Variants in USP1 observed in about 807,000 individuals in gnomAD.
USP1 encodes ubiquitin carboxyl-terminal hydrolase 1.
Under a neutral mutation model 72.2 loss-of-function variants are expected in USP1, and 18 were observed. The ratio of observed to expected loss-of-function variants is 0.25; its 90% confidence interval spans 0.17 to 0.37. USP1 has a LOEUF of 0.37. USP1 is among the 10% of genes least tolerant of loss of function. USP1 has a pLI of 1.00. For synonymous variants in USP1, 354 were observed against 303.7 expected (o/e 1.17, Z -1.72); for missense variants, 759 against 884.9 (o/e 0.86, Z 1.81).
At chr1:62,449,991 T>C (rs1314247354) in intron 8 of USP1, among the ~76,000 whole-genome samples, 1 of 152,046 alleles carries the variant, frequency 6.6e-6, no homozygotes, top group East Asian at 1.9e-4. Context: ...TGCACAAAAT[T>C]AGGAAAATAA....
chr1:62,445,188 A>G lies in USP1; in HGVS notation c.1008A>G (p.Arg336=). 1.9e-6 allele frequency: 3 copies of G among 1,611,860 alleles called. No homozygotes were observed. Among genetic ancestry groups the G allele is most frequent in the Admixed American group, 3.4e-5 (2 of 59,522 alleles). The change falls in exon 6 of 9, where the codon AGA becomes AGG. Residue 336 remains arginine (R), a synonymous_variant. Transcript: ENST00000339950. ...ESPRPSQKKS[R]VKINWLKSAT... is the part of the protein sequence containing the mutation. The stretch of plus-strand genomic sequence containing the variant: ...CAAGACCCTCACAAAAGAAATCAAG[A>G]GTTAAAATAAATTGGTTAAAGTCTG...
chr1:62,445,174 C>A lies in USP1; in HGVS notation c.994C>A (p.Gln332Lys), dbSNP rs374728774. Residue 332 changes from glutamine to lysine, a missense_variant, in exon 6 of 9, where the codon CAA (glutamine) becomes AAA (lysine). By Grantham distance (53) the Gln-to-Lys change is moderately conservative. Coordinates refer to ENST00000339950, the MANE Select transcript of USP1 (RefSeq NM_003368.5). ...ISENESPRPS[Q>K]KKSRVKINWL... Reference sequence around the variant, plus strand: ...TGAAAATGAGAGTCCAAGACCCTCACAAAAGAAATCAAGAGTTAAAATAAA... The same window carrying A: ...TGAAAATGAGAGTCCAAGACCCTCAAAAAAGAAATCAAGAGTTAAAATAAA... 9.6e-5 allele frequency: 154 copies of A among 1,612,382 alleles called. 3 individuals are homozygous for A. The highest frequency in any genetic ancestry group is 6.2e-4 in the East Asian group (28 of 44,814).
At chr1:62,446,839 A>C (rs1460662782) in intron 6 of USP1, among the ~76,000 whole-genome samples, 1 of 151,816 alleles carries the variant, frequency 6.6e-6, no homozygotes, top group East Asian at 1.9e-4. Context: ...TTGGAGACAG[A>C]GTTTTGCTCT....
rs759275150 is a variant in USP1 at position 62,445,403 on chromosome 1, T to A, written c.1223T>A (p.Val408Asp). Reference sequence around the variant, plus strand: ...GGAAATACTGTTACACCTGTAAATGTTAATGAAGTTAAACCCATAAACAAA... The same window carrying A: ...GGAAATACTGTTACACCTGTAAATGATAATGAAGTTAAACCCATAAACAAA... ...SPGNTVTPVNVNEVKPINKGE... is the reference protein window; with the variant it reads ...SPGNTVTPVNDNEVKPINKGE... Residue 408 changes from valine (V) to aspartate (D), a missense_variant, in exon 6 of 9, where the codon GTT becomes GAT. By Grantham distance (152) the Val-to-Asp change is radical. Around this residue, in one of 9 missense-constraint regions of USP1, gnomAD observed 245 missense variants for 240.7 expected, o/e 1.02. Transcript: ENST00000339950. The A allele has an allele frequency of 2.0e-5, 31 of 1,578,092 alleles. No individual in the cohort carries two copies. In the East Asian group the frequency reaches 6.7e-4, roughly 34 times the overall value.
Position 62,437,286 on chromosome 1 carries a change from C to G in USP1, c.-184C>G, listed in dbSNP as rs1018999497. ...GGGGAGGGCGAGCCGACCAGATTTT[C>G]CTGGGGCCGGGGACCCGGCGGGCTC... On this transcript the variant is annotated 5_prime_UTR_variant, in exon 1 of 9. Transcript: ENST00000339950. 2.5e-6 allele frequency: 1 copy of G among 397,368 alleles called. No homozygotes were observed. The highest frequency in any genetic ancestry group is 4.4e-6 in the Non-Finnish European group (1 of 225,786). The allele number at this position is 397,368 out of a possible 1,614,324, so 24.6% of individuals were successfully genotyped here.
intron 1 of USP1, among the ~76,000 whole-genome samples, chr1:62,437,974 G>A (rs1557552059): frequency 6.6e-6 from 1 of 152,148 alleles, no homozygotes; most frequent in Admixed American, 6.5e-5. Flanking sequence ...ACAGATAATG[G>A]TCGATTCGTC....
chr1:62,443,164 T>C lies in USP1; in HGVS notation c.402T>C (p.Asn134=), dbSNP rs1645145089. ...GTGTGTTTCTTTCTTGACAGGGAAATTGCAAAGAAGATTCTTTGGCAAGTT... is the reference window on the plus strand; with the variant it reads ...GTGTGTTTCTTTCTTGACAGGGAAACTGCAAAGAAGATTCTTTGGCAAGTT... ...KDEANQKDKG[N]CKEDSLASYE... The change falls in exon 5 of 9, where the codon AAT becomes AAC. Residue 134 remains asparagine, a synonymous_variant. Transcript: ENST00000339950. 1.9e-6 allele frequency: 3 copies of C among 1,608,300 alleles called. No individual in the cohort carries two copies. Among genetic ancestry groups the C allele is most frequent in the Non-Finnish European group, 2.5e-6 (3 of 1,178,408 alleles).
chr1:62,441,445 CT>C, intron 2 of USP1, 42 bp from the exon 3 acceptor site: 1 of 1,510,684 alleles, frequency 6.6e-7, no homozygotes, highest in Non-Finnish European at 8.8e-7. Context: ...CACCTTGTTT[CT>C]TTAAGATAAC....
chr1:62,440,146 G>T (rs1318927805), intron 2 of USP1, 109 bp downstream of exon 2: 50 of 972,018 alleles, frequency 5.1e-5, no homozygotes, highest in Non-Finnish European at 7.0e-6. Context: ...AAAAAAGTAC[G>T]CTTCAGTGTA....
chr1:62,438,408 GAGATGGATC>G (rs1425000333), intron 1 of USP1, among the ~76,000 whole-genome samples: 1 of 152,192 alleles, frequency 6.6e-6, no homozygotes, highest in African/African-American at 2.4e-5. Flanking sequence ...ACAGAATGGA[GAGATGGATC>G]AGCTTTCCAG....
chr1:62,446,703 T>C (rs1468925076), intron 6 of USP1, among the ~76,000 whole-genome samples: 1 of 152,232 alleles, frequency 6.6e-6, no homozygotes, highest in Non-Finnish European at 1.5e-5. Flanking sequence ...ATGTGTAATA[T>C]TGATATAGTG....
chr1:62,442,956 C>G (rs956128788), intron 4 of USP1, among the ~76,000 whole-genome samples: 1 of 152,044 alleles, frequency 6.6e-6, no homozygotes, highest in Non-Finnish European at 1.5e-5. Context: ...GAGCCGCGAT[C>G]AAGCCACTGC....
chr1:62,444,567 C>T (rs1014064860), intron 5 of USP1, among the ~76,000 whole-genome samples, 171 bp from the exon 6 acceptor site: 1 of 152,114 alleles, frequency 6.6e-6, no homozygotes, highest in African/African-American at 2.4e-5. Flanking sequence ...GTACAATTTA[C>T]TCTTACTTTT....
intron 8 of USP1, among the ~76,000 whole-genome samples, chr1:62,449,655 C>T (rs979567261): frequency 2.0e-5 from 3 of 152,136 alleles, no homozygotes; most frequent in East Asian, 3.8e-4. Context: ...GTGGCTCACA[C>T]CTGTAATCCT....
Position 62,450,797 on chromosome 1 carries a change from ATAT to A in USP1, c.2177_2179del (p.Ile726del), listed in dbSNP as rs780904231. On this transcript the variant is annotated inframe_deletion, in exon 9 of 9. Coordinates refer to ENST00000339950, the MANE Select transcript of USP1 (RefSeq NM_003368.5). ...GAATCCAGTGACCAAACAGGCATTA[ATAT>A]TAGTGGATTTGAGAACAAAATTTCA... is the stretch of plus-strand genomic sequence containing the variant. 23 of 1,613,898 alleles carry A rather than the reference ATAT, an allele frequency of 1.4e-5. No individual in the cohort carries two copies. The African/African-American group carries it at 1.9e-4, about 13-fold the overall frequency.
At chr1:62,445,513 T>C (rs920853800) in intron 6 of USP1, 84 bp downstream of exon 6, 23 of 1,257,616 alleles carry the variant, frequency 1.8e-5, no homozygotes, top group Non-Finnish European at 2.4e-5. Context: ...ACATGTACAA[T>C]ATAATCTCTG....
chr1:62,442,148 TG>T, intron 3 of USP1, 46 bp from the exon 4 acceptor site: 1 of 1,234,186 alleles, frequency 8.1e-7, no homozygotes, highest in Non-Finnish European at 1.2e-6. Flanking sequence ...TGATTTTACG[TG>T]TATTGTTTGT....
At chr1:62,449,773 G>C (rs1208551843) in intron 8 of USP1, among the ~76,000 whole-genome samples, 1 of 151,846 alleles carries the variant, frequency 6.6e-6, no homozygotes, top group Non-Finnish European at 1.5e-5. Context: ...CTAGTTTGGC[G>C]TGGTGGCGGG....
intron 5 of USP1, among the ~76,000 whole-genome samples, chr1:62,444,402 T>C (rs1166077400): frequency 1.3e-5 from 2 of 152,048 alleles, no homozygotes; most frequent in Non-Finnish European, 2.9e-5. Flanking sequence ...CTGTCAGTAA[T>C]GGTGATAATA....
Sources: allele counts gnomAD v4.1 joint callset (sites outside exome capture counted in the v4.1 genomes callset), GRCh38; gene constraint gnomAD v4.1.1; regional missense constraint gnomAD v4.1.1; transcripts MANE v1.5; gene names NCBI Gene and HGNC (gene_info 2026-07-23, HGNC 2026-07-21).